GRK3: variants seen among roughly 807,000 people sequenced by gnomAD.
GRK3 encodes the protein adrenergic, beta, receptor kinase 2.
In GRK3, 54 loss-of-function variants were observed where a neutral mutation model predicts 95.7. The observed-to-expected ratio is 0.56, with a 90% CI of 0.45 to 0.71. The LOEUF (loss-of-function observed/expected upper bound fraction) is 0.71. Among genes scored for constraint, GRK3 ranks in the 30% least tolerant of loss-of-function variants. The pLI, the probability that GRK3 is intolerant of heterozygous loss-of-function variation, is 0.00. For synonymous variants in GRK3, 281 were observed against 290.8 expected (o/e 0.97, Z 0.34); for missense variants, 649 against 851.2 (o/e 0.76, Z 2.96).
intron 5 of GRK3, among the ~76,000 whole-genome samples, chr22:25,665,062 C>T (rs2084933032): frequency 6.6e-6 from 1 of 152,138 alleles, no homozygotes; most frequent in African/African-American, 2.4e-5. Context: ...GCTGGAGGAC[C>T]TTGGGTAAGC....
intron 1 of GRK3, among the ~76,000 whole-genome samples, chr22:25,583,297 C>G (rs532946368): frequency 4.8e-4 from 73 of 151,136 alleles, no homozygotes; most frequent in African/African-American, 1.8e-3. Flanking sequence ...TCTCACATGG[C>G]TACAAAAATA....
chr22:25,616,096 G>A (rs1269163060), intron 2 of GRK3, among the ~76,000 whole-genome samples: 24 of 151,716 alleles, frequency 1.6e-4, no homozygotes, highest in African/African-American at 5.6e-4. Flanking sequence ...GAGTGAGGTG[G>A]GACATAGGGA....
intron 9 of GRK3, 82 bp downstream of exon 9, chr22:25,678,997 C>G (rs2085054055): frequency 1.0e-6 from 1 of 953,326 alleles, no homozygotes; most frequent in Admixed American, 2.4e-5. Context: ...TTCCTTCTAG[C>G]TGATTGCAAG....
At chr22:25,629,148 G>A (rs1452589288) in intron 2 of GRK3, among the ~76,000 whole-genome samples, 1 of 152,212 alleles carries the variant, frequency 6.6e-6, no homozygotes, top group Non-Finnish European at 1.5e-5. Flanking sequence ...GGGCATAGAA[G>A]GGGCAGCTCT....
intron 12 of GRK3, 66 bp from the exon 13 acceptor site, chr22:25,695,041 G>C (rs2085196125): frequency 1.7e-6 from 2 of 1,146,534 alleles, no homozygotes; most frequent in Admixed American, 3.6e-5. Flanking sequence ...CCCGGACCTT[G>C]GGGCGCTGTT....
intron 1 of GRK3, among the ~76,000 whole-genome samples, chr22:25,577,230 C>T (rs969700247): frequency 4.0e-5 from 6 of 151,626 alleles, no homozygotes; most frequent in East Asian, 3.9e-4. Flanking sequence ...TGGAGTGCAG[C>T]GGTGTGATCT....
chr22:25,666,470 T>C (rs564736543), intron 5 of GRK3, among the ~76,000 whole-genome samples: 1 of 152,364 alleles, frequency 6.6e-6, no homozygotes, highest in South Asian at 2.1e-4. Context: ...TTTAGCTTCC[T>C]CTTTCACCAC....
chr22:25,691,746 T>C (rs2085166300), intron 12 of GRK3, among the ~76,000 whole-genome samples: 1 of 152,208 alleles, frequency 6.6e-6, no homozygotes, highest in Admixed American at 6.5e-5. Flanking sequence ...GGAATTAACT[T>C]TCAGATATGG....
At chr22:25,578,136 A>C (rs1399812173) in intron 1 of GRK3, among the ~76,000 whole-genome samples, 2 of 152,122 alleles carry the variant, frequency 1.3e-5, no homozygotes, top group African/African-American at 4.8e-5. Context: ...TTTGAAATTC[A>C]TGATTTTTTT....
intron 1 of GRK3, among the ~76,000 whole-genome samples, chr22:25,592,708 G>A (rs1932533053): frequency 6.6e-6 from 1 of 152,220 alleles, no homozygotes; most frequent in Non-Finnish European, 1.5e-5. Context: ...TTATGTGGGT[G>A]TATTGTGTGA....
chr22:25,720,089 CACTGT>C (rs113924833), intron 19 of GRK3, among the ~76,000 whole-genome samples: 9 of 152,218 alleles, frequency 5.9e-5, no homozygotes, highest in African/African-American at 2.2e-4. Flanking sequence ...CCCCAAAGCT[CACTGT>C]ATTTCCAGGT....
chr22:25,681,723 A>G (rs2085075948), intron 9 of GRK3, among the ~76,000 whole-genome samples: 1 of 152,166 alleles, frequency 6.6e-6, no homozygotes. Flanking sequence ...GTCCTGTTTT[A>G]TCACAGTTTT....
At chr22:25,618,155 T>C (rs1411727748) in intron 2 of GRK3, among the ~76,000 whole-genome samples, 1 of 152,230 alleles carries the variant, frequency 6.6e-6, no homozygotes, top group East Asian at 1.9e-4. Context: ...TGGAATTGTT[T>C]CCAGTGTGGG....
chr22:25,630,579 A>C (rs973625501), intron 2 of GRK3, among the ~76,000 whole-genome samples: 13 of 152,178 alleles, frequency 8.5e-5, no homozygotes, highest in African/African-American at 2.9e-4. Flanking sequence ...GGTTTGATAG[A>C]ATTTTCTCGC....
intron 8 of GRK3, among the ~76,000 whole-genome samples, chr22:25,678,508 C>A (rs1242468482): frequency 6.6e-6 from 1 of 152,144 alleles, no homozygotes; most frequent in Non-Finnish European, 1.5e-5. Context: ...ATTCACAATT[C>A]CTAGCTGCTA....
intron 15 of GRK3, among the ~76,000 whole-genome samples, chr22:25,706,710 A>C (rs975949537): frequency 2.6e-5 from 4 of 151,942 alleles, no homozygotes; most frequent in Non-Finnish European, 4.4e-5. Context: ...TTTAGTAGAG[A>C]TGGGGTTTCC....
chr22:25,598,138 G>A (rs1156242641), intron 1 of GRK3, among the ~76,000 whole-genome samples: 1 of 152,096 alleles, frequency 6.6e-6, no homozygotes, highest in Non-Finnish European at 1.5e-5. Flanking sequence ...TAGGAATAAA[G>A]CATATGACAA....
intron 1 of GRK3, among the ~76,000 whole-genome samples, chr22:25,579,582 C>T (rs1043072430): frequency 2.0e-5 from 3 of 152,010 alleles, no homozygotes; most frequent in East Asian, 1.9e-4. Context: ...ACGGCATTCT[C>T]CTGCCTCAGC....
intron 1 of GRK3, among the ~76,000 whole-genome samples, chr22:25,570,545 C>T (rs114156878): frequency 0.022 from 3,387 of 152,280 alleles, 130 homozygotes; most frequent in African/African-American, 0.077. Flanking sequence ...CACATATCTG[C>T]GGACCACTGT....
Sources: allele counts gnomAD v4.1 joint callset (sites outside exome capture counted in the v4.1 genomes callset), GRCh38; gene constraint gnomAD v4.1.1; transcripts MANE v1.5; gene names NCBI Gene and HGNC (gene_info 2026-07-23, HGNC 2026-07-21).